Variants in NUP210 observed in about 807,000 individuals in gnomAD.
NUP210 encodes nucleoporin 210.
A neutral mutation model predicts 196.0 loss-of-function variants in NUP210; 151 were observed. The observed-to-expected ratio is 0.77, with a 90% confidence interval of 0.67 to 0.88. The LOEUF (loss-of-function observed/expected upper bound fraction) is 0.88, where lower values mean the gene tolerates loss of function less well. Ranked by LOEUF, NUP210 falls within the 40% of genes least tolerant of loss-of-function variation. The pLI is 0.00. For synonymous variants in NUP210, 1,070 were observed against 1,052.7 expected (o/e 1.02, Z -0.32); for missense variants, 2,314 against 2,493.7 (o/e 0.93, Z 1.53).
intron 6 of NUP210, among the ~76,000 whole-genome samples, chr3:13,381,503 A>G (rs925807864): frequency 4.8e-5 from 7 of 146,916 alleles, no homozygotes; most frequent in Non-Finnish European, 1.0e-4. Context: ...ATCACAGCTC[A>G]CTGCAGCCTG....
chr3:13,380,367 G>C (rs2124922897), intron 6 of NUP210, among the ~76,000 whole-genome samples: 1 of 152,296 alleles, frequency 6.6e-6, no homozygotes, highest in African/African-American at 2.4e-5. Context: ...TGCTGAGCAG[G>C]GATCAAGATG....
chr3:13,359,547 G>T (rs1698300563), intron 15 of NUP210, among the ~76,000 whole-genome samples: 1 of 152,136 alleles, frequency 6.6e-6, no homozygotes, highest in African/African-American at 2.4e-5. Context: ...CTGCACACAT[G>T]CAGGAAATAC....
At chr3:13,404,459 GTATTCATTACAT>G (rs1189236551) in intron 1 of NUP210, among the ~76,000 whole-genome samples, 2 of 152,154 alleles carry the variant, frequency 1.3e-5, no homozygotes, top group Non-Finnish European at 2.9e-5. Context: ...AGGAATATGG[GTATTCATTACAT>G]TATTATTTCT....
chr3:13,344,458 G>T lies in NUP210; in HGVS notation c.2836-1155C>A, dbSNP rs115444700. ...GCTCTTTGTGGTCTCATATTCATGG[G>T]GTGGGGAGCAAGAGGTTTTAAAGTA... On this transcript the variant is annotated intron_variant, in intron 20 of 39. Transcript: ENST00000254508. Among the ~76,000 whole-genome samples the T allele has an allele frequency of 2.4e-3, 367 of 152,268 alleles. 2 individuals carry two copies. Among genetic ancestry groups the T allele is most frequent in the African/African-American group, 8.5e-3 (351 of 41,534 alleles).
Position 13,351,966 on chromosome 3 carries a change from G to A in NUP210, c.2748C>T (p.Ile916=). 6.2e-7 allele frequency: 1 copy of A among 1,611,266 alleles called. No homozygotes were observed. Among genetic ancestry groups the A allele is most frequent in the Non-Finnish European group, 8.5e-7 (1 of 1,177,890 alleles). ...NHPGIQAELR[I]REGSGYFFLN... ...GGAAGAAGTAACCTGAGCCTTCCCT[G>A]ATGCGGAGCTCTGCCTGCAGGAGGC... Residue 916 remains isoleucine (I), a synonymous_variant, in exon 20 of 40, where the codon ATC becomes ATT. Coordinates refer to ENST00000254508, the MANE Select transcript of NUP210 (RefSeq NM_024923.4).
In NUP210 at chr3:13,323,969, G is replaced by A. The variant is rs1696641284; in HGVS notation, c.4645-537C>T. Reference sequence around the variant, plus strand: ...CCAAGGCCACTTCCTGCAGCTGAAGGCCCCCCTCCCTCTCTCAGCAGGCAC... The same window carrying A: ...CCAAGGCCACTTCCTGCAGCTGAAGACCCCCCTCCCTCTCTCAGCAGGCAC... On this transcript the variant is annotated intron_variant, in intron 33 of 39. Coordinates refer to ENST00000254508, the MANE Select transcript of NUP210 (RefSeq NM_024923.4). This position sits in a 1 kb window ranked among gnomAD's most constrained non-coding sequence, Gnocchi z 4.3. Among the ~76,000 whole-genome samples the A allele has an allele frequency of 6.6e-6, 1 of 152,044 alleles. No individual in the cohort carries two copies. Among genetic ancestry groups the A allele is most frequent in the South Asian group, 2.1e-4 (1 of 4,822 alleles).
At chr3:13,336,448 A>G (rs2124852317) in intron 27 of NUP210, among the ~76,000 whole-genome samples, 1 of 152,194 alleles carries the variant, frequency 6.6e-6, no homozygotes. Context: ...AGGGAAGGGG[A>G]ATTTGGCCTC....
At position 13,420,036 on chromosome 3, in the gene NUP210, GC is replaced by G; in HGVS notation, c.167+23del. ...AGGCCCAGCCCGGCCCACGGCGCCC[GC>G]CCGGCCCGGCCGCGCGCCTCACCAG... is the stretch of plus-strand genomic sequence containing the variant. On this transcript the variant is annotated intron_variant, in intron 1 of 39. Coordinates refer to ENST00000254508, the MANE Select transcript of NUP210 (RefSeq NM_024923.4). This position sits in a 1 kb window ranked among gnomAD's most constrained non-coding sequence, Gnocchi z 4.8. 1 of 1,212,806 alleles carries G rather than the reference GC, an allele frequency of 8.2e-7. No homozygotes were observed. The highest frequency in any genetic ancestry group is 1.0e-6 in the Non-Finnish European group (1 of 962,954). 75.1% of individuals were successfully genotyped at this position (1,212,806 alleles called of 1,614,324 possible). A position where few individuals can be genotyped will look rare whatever the true frequency, so the allele number is the denominator to read the frequency against.
chr3:13,408,070 A>C (rs1351789947), intron 1 of NUP210, among the ~76,000 whole-genome samples: 1 of 152,178 alleles, frequency 6.6e-6, no homozygotes, highest in African/African-American at 2.4e-5. Flanking sequence ...AGAGACTTTA[A>C]GGACAGGCAG....
At chr3:13,353,239 C>T (rs74493438) in intron 18 of NUP210, among the ~76,000 whole-genome samples, 50 of 152,304 alleles carry the variant, frequency 3.3e-4, no homozygotes, top group African/African-American at 1.2e-3. Context: ...CCCACCTTCT[C>T]CTTCCAGCCT....
chr3:13,401,308 G>A (rs1234052116), intron 1 of NUP210, among the ~76,000 whole-genome samples: 1 of 144,934 alleles, frequency 6.9e-6, no homozygotes, highest in East Asian at 2.0e-4. Flanking sequence ...CACCTAGGCA[G>A]ATGTCCCGCC....
At chr3:13,331,186 C>T (rs1470323982) in intron 29 of NUP210, among the ~76,000 whole-genome samples, 2 of 152,102 alleles carry the variant, frequency 1.3e-5, no homozygotes, top group Non-Finnish European at 2.9e-5. Flanking sequence ...GGACTGTCAA[C>T]AGGATAAAAA....
At chr3:13,383,320 C>A (rs909315566) in intron 6 of NUP210, among the ~76,000 whole-genome samples, 1 of 152,076 alleles carries the variant, frequency 6.6e-6, no homozygotes, top group Non-Finnish European at 1.5e-5. Flanking sequence ...TTTTGGAGTA[C>A]TTTCACATCT....
intron 6 of NUP210, among the ~76,000 whole-genome samples, chr3:13,381,715 G>A (rs1033541773): frequency 5.9e-5 from 9 of 152,122 alleles, no homozygotes; most frequent in African/African-American, 2.2e-4. Context: ...TGAGGCCCCA[G>A]ATCATCCCTG....
intron 8 of NUP210, among the ~76,000 whole-genome samples, chr3:13,378,484 C>T (rs1698994507): frequency 6.6e-6 from 1 of 152,248 alleles, no homozygotes; most frequent in South Asian, 2.1e-4. Flanking sequence ...TGAGAAAATG[C>T]CTGCCTTCAA....
intron 20 of NUP210, among the ~76,000 whole-genome samples, chr3:13,344,673 G>A (rs954229166): frequency 5.9e-5 from 9 of 152,026 alleles, no homozygotes; most frequent in African/African-American, 2.2e-4. Flanking sequence ...GCCTTACCAC[G>A]CCCTGTAAAG....
rs116980870 is a variant in NUP210 at position 13,363,982 on chromosome 3, C to A, written c.1932+1964G>T. Among the ~76,000 whole-genome samples, 537 of 152,232 alleles carry A rather than the reference C, an allele frequency of 3.5e-3. 12 individuals are homozygous for A. The East Asian group carries it at 0.067, about 19-fold the overall frequency. On this transcript the variant is annotated intron_variant, in intron 14 of 39. Coordinates refer to ENST00000254508, the MANE Select transcript of NUP210 (RefSeq NM_024923.4). Reference sequence around the variant, plus strand: ...AGGTGCGCAGGGCAACCCCAGAATGCCTGCTGTGCTCGGGGATTTCAACTC... The same window carrying A: ...AGGTGCGCAGGGCAACCCCAGAATGACTGCTGTGCTCGGGGATTTCAACTC...
intron 17 of NUP210, 62 bp downstream of exon 17, chr3:13,353,853 G>T: frequency 6.6e-7 from 1 of 1,506,832 alleles, no homozygotes; most frequent in Non-Finnish European, 9.0e-7. Flanking sequence ...GGCCCACCTT[G>T]GCAGGCTTCC....
rs1697434341 is a variant in NUP210, at chr3:13,340,565, CCGT to C, written c.3229-270_3229-268del. Among the ~76,000 whole-genome samples the C allele has an allele frequency of 6.6e-6, 1 of 152,190 alleles. No homozygotes were observed. Among genetic ancestry groups the C allele is most frequent in the Non-Finnish European group, 1.5e-5 (1 of 68,028 alleles). ...TAGATGTTAAAACCCAAAAGCTGGG[CCGT>C]CCCCTTGGAGGGATGGCTTTTATGC... is the stretch of plus-strand genomic sequence containing the variant. On this transcript the variant is annotated intron_variant, in intron 23 of 39. Transcript: ENST00000254508. The surrounding 1 kb of genome is among the most constrained non-coding windows in gnomAD (Gnocchi z 4.0).
Sources: gnomAD v4.1 joint callset for allele counts (sites outside exome capture counted in the v4.1 genomes callset) on GRCh38, gnomAD v4.1.1 for gene constraint, Gnocchi (gnomAD v3.1) non-coding constraint, MANE v1.5 for transcripts, NCBI Gene and HGNC (gene_info 2026-07-23, HGNC 2026-07-21) for gene names.